Variants in LRRC69 observed in about 807,000 individuals in gnomAD.
The protein encoded by LRRC69 is leucine rich repeat containing 69.
Under a neutral mutation model 37.8 loss-of-function variants are expected in LRRC69, and 42 were observed. The observed-to-expected ratio is 1.11, with a 90% confidence interval of 0.87 to 1.44. The LOEUF is 1.44. LRRC69 is among the 40% of genes most tolerant of loss of function. LRRC69 has a pLI of 0.00. For missense variants in LRRC69, 357 were observed against 401.9 expected (o/e 0.89, Z 0.96); for synonymous variants, 141 against 143.1 (o/e 0.99, Z 0.11).
chr8:91,197,939 G>A (rs1358123875), intron 6 of LRRC69, among the ~76,000 whole-genome samples: 4 of 152,174 alleles, frequency 2.6e-5, no homozygotes, highest in East Asian at 1.9e-4. Flanking sequence ...TGTAAATGAT[G>A]TGTGTAGTTT....
chr8:91,158,692 T>C (rs1162092817), intron 5 of LRRC69: 6 of 1,183,958 alleles, frequency 5.1e-6, no homozygotes, highest in Non-Finnish European at 7.6e-6. Flanking sequence ...ACTGACCACA[T>C]TCATGCTGGA....
At chr8:91,107,336 C>T (rs77815962) in intron 1 of LRRC69, among the ~76,000 whole-genome samples, 1 of 151,398 alleles carries the variant, frequency 6.6e-6, no homozygotes, top group Non-Finnish European at 1.5e-5. Flanking sequence ...CGGGGTTTCG[C>T]CATGTTAGCC....
chr8:91,194,716 C>T (rs972337512), intron 6 of LRRC69, among the ~76,000 whole-genome samples: 185 of 152,098 alleles, frequency 1.2e-3, no homozygotes, highest in South Asian at 3.7e-3. Context: ...TTTTTTATTG[C>T]GTCTATTTGA....
intron 4 of LRRC69, among the ~76,000 whole-genome samples, chr8:91,133,672 T>C (rs939411518): frequency 6.6e-6 from 1 of 152,098 alleles, no homozygotes; most frequent in African/African-American, 2.4e-5. Context: ...TCTTGCTCTG[T>C]TGCCTAGGCT....
chr8:91,206,170 C>G (rs985053105), intron 7 of LRRC69, among the ~76,000 whole-genome samples: 14 of 152,174 alleles, frequency 9.2e-5, no homozygotes, highest in Non-Finnish European at 1.6e-4. Flanking sequence ...TGAATACCAG[C>G]TCCTCCTTTA....
chr8:91,124,653 T>A (rs962242750), intron 2 of LRRC69, 34 bp downstream of exon 2: 1 of 1,471,458 alleles, frequency 6.8e-7, no homozygotes, highest in South Asian at 1.4e-5. Flanking sequence ...CATTATAGCA[T>A]CAAATTTAAT....
At chr8:91,156,509 G>A (rs574042027) in intron 5 of LRRC69, among the ~76,000 whole-genome samples, 1 of 150,746 alleles carries the variant, frequency 6.6e-6, no homozygotes, top group African/African-American at 2.4e-5. Context: ...AATGTTTTCT[G>A]CCTTTCTACA....
At chr8:91,128,324 A>G (rs1196975068) in intron 3 of LRRC69, among the ~76,000 whole-genome samples, 1 of 152,090 alleles carries the variant, frequency 6.6e-6, no homozygotes. Context: ...AATTTCATAC[A>G]CTTATCTCTG....
chr8:91,205,303 A>T (rs1229347992), intron 7 of LRRC69, among the ~76,000 whole-genome samples: 1 of 152,122 alleles, frequency 6.6e-6, no homozygotes, highest in African/African-American at 2.4e-5. Context: ...ATGGAGGCTC[A>T]CGTTACTGGC....
At position 91,194,741 on chromosome 8, in the gene LRRC69, T is replaced by A. The variant is rs1167827675; in HGVS notation, c.753+5118T>A. On this transcript the variant is annotated intron_variant, in intron 6 of 7. Coordinates refer to ENST00000448384, the Ensembl canonical transcript of LRRC69. ...CGTCTATTTGATTCTTCTTTTTTTC[T>A]TTATTAGTCTTGCTAGTGGTCTATC... is the stretch of plus-strand genomic sequence containing the variant. 2.6e-5 allele frequency among the ~76,000 whole-genome samples: 4 copies of A among 152,190 alleles called. No homozygotes were observed. In the South Asian group the frequency reaches 6.2e-4, roughly 24 times the overall value.
intron 5 of LRRC69, among the ~76,000 whole-genome samples, chr8:91,150,449 T>G (rs1214483315): frequency 5.3e-5 from 8 of 152,010 alleles, no homozygotes; most frequent in Middle Eastern, 3.2e-3. Flanking sequence ...TTGATCATGG[T>G]GGATAAGCTT....
intron 6 of LRRC69, among the ~76,000 whole-genome samples, chr8:91,192,239 C>T (rs1355497840): frequency 6.6e-6 from 1 of 152,038 alleles, no homozygotes; most frequent in African/African-American, 2.4e-5. Flanking sequence ...TTTATCCAGT[C>T]TATCATTGTT....
chr8:91,183,948 T>C (rs988007678), intron 5 of LRRC69, among the ~76,000 whole-genome samples: 7 of 152,142 alleles, frequency 4.6e-5, no homozygotes, highest in African/African-American at 1.7e-4. Context: ...TAGCATAATT[T>C]ACCATTCATT....
chr8:91,128,002 A>G (rs1813749672), intron 3 of LRRC69, among the ~76,000 whole-genome samples: 2 of 152,088 alleles, frequency 1.3e-5, no homozygotes, highest in Admixed American at 6.6e-5. Flanking sequence ...GCAACTAGAA[A>G]AGAATTGAAT....
intron 1 of LRRC69, among the ~76,000 whole-genome samples, chr8:91,111,473 G>C (rs1278937093): frequency 6.6e-6 from 1 of 152,024 alleles, no homozygotes; most frequent in African/African-American, 2.4e-5. Context: ...GGTGGAGGTT[G>C]TAGTGAGCTG....
At chr8:91,170,959 C>T (rs1415844928) in intron 5 of LRRC69, among the ~76,000 whole-genome samples, 1 of 142,836 alleles carries the variant, frequency 7.0e-6, no homozygotes, top group African/African-American at 2.6e-5. Flanking sequence ...TCAGAGTGAA[C>T]AGGCAACCTA....
At chr8:91,135,502 A>G (rs969013475) in intron 4 of LRRC69, among the ~76,000 whole-genome samples, 166 bp from the exon 5 acceptor site, 1 of 152,018 alleles carries the variant, frequency 6.6e-6, no homozygotes, top group Non-Finnish European at 1.5e-5. Context: ...CTGGCAGTCC[A>G]GGATATGGGG....
In LRRC69 at chr8:91,192,682, T is replaced by C. The variant is rs181267609; in HGVS notation, c.753+3059T>C. ...TCTATTCATGTCCTTTGCCGAATTT[T>C]TGATGGGGTTGTTTGTTTTTTTCTT... On this transcript the variant is annotated intron_variant, in intron 6 of 7. Transcript: ENST00000448384. Among the ~76,000 whole-genome samples, 412 of 152,348 alleles carry C rather than the reference T, an allele frequency of 2.7e-3. 4 individuals carry two copies. Among genetic ancestry groups the C allele is most frequent in the African/African-American group, 9.5e-3 (397 of 41,576 alleles).
At chr8:91,179,506 C>T (rs6995363) in intron 5 of LRRC69, among the ~76,000 whole-genome samples, 102,857 of 152,056 alleles carry the variant, frequency 0.68, 35,256 homozygotes, top group African/African-American at 0.74. Flanking sequence ...TACAATTCTA[C>T]ATGAGATTGG....
Sources: gnomAD v4.1 joint callset for allele counts (sites outside exome capture counted in the v4.1 genomes callset) on GRCh38, gnomAD v4.1.1 for gene constraint, MANE v1.5 for transcripts, NCBI Gene and HGNC (gene_info 2026-07-23, HGNC 2026-07-21) for gene names.